The following GRID2 variants were observed in gnomAD, a reference collection of about 807,000 sequenced individuals.
The protein encoded by GRID2 is glutamate receptor ionotropic, delta-2.
Under a neutral mutation model 114.8 loss-of-function variants are expected in GRID2, and 33 were observed. The ratio of observed to expected loss-of-function variants is 0.29; its 90% CI spans 0.22 to 0.38. The LOEUF (loss-of-function observed/expected upper bound fraction) is 0.38. Among genes scored for constraint, GRID2 ranks in the 10% least tolerant of loss-of-function variants. The pLI is 1.00. For missense variants in GRID2, 1,184 were observed against 1,257.7 expected, an observed-to-expected ratio of 0.94 and a Z score of 0.89; for synonymous variants, 505 against 449.9, an observed-to-expected ratio of 1.12 and a Z score of -1.55.
At chr4:92,914,355 A>G (rs1406353885) in intron 2 of GRID2, among the ~76,000 whole-genome samples, 3 of 152,148 alleles carry the variant, frequency 2.0e-5, no homozygotes, top group Non-Finnish European at 4.4e-5. Flanking sequence ...TGTTTTTAAC[A>G]CTTTAAAAGA....
Position 93,703,497 on chromosome 4 carries a change from AT to A in GRID2, c.2361-65704del, listed in dbSNP as rs151280717. 5.5e-3 allele frequency among the ~76,000 whole-genome samples: 838 copies of A among 151,390 alleles called. 7 individuals are homozygous for A. The highest frequency in any genetic ancestry group is 0.019 in the African/African-American group (771 of 41,322). On this transcript the variant is annotated intron_variant, in intron 14 of 15. Transcript: ENST00000282020. ...TGGTAGCAAATACTAGATCGTATTT[AT>A]TTTTTTTTATATGTACTTTAAGTTT...
chr4:92,761,026 C>T (rs1436772603), intron 2 of GRID2, among the ~76,000 whole-genome samples: 4 of 151,950 alleles, frequency 2.6e-5, no homozygotes, highest in Admixed American at 2.0e-4. Context: ...ACTACATAAA[C>T]CTCTATTTCA....
At chr4:92,820,004 A>G (rs1040201005) in intron 2 of GRID2, among the ~76,000 whole-genome samples, 1 of 152,140 alleles carries the variant, frequency 6.6e-6, no homozygotes, top group Non-Finnish European at 1.5e-5. Flanking sequence ...GCGTAGTACC[A>G]TTTACAATCT....
chr4:93,719,226 A>G (rs1012405643), intron 14 of GRID2, among the ~76,000 whole-genome samples: 8 of 151,724 alleles, frequency 5.3e-5, no homozygotes, highest in African/African-American at 1.9e-4. Context: ...AGATCTAGCT[A>G]TCTATATATA....
chr4:93,293,458 G>A (rs968240134), intron 8 of GRID2, among the ~76,000 whole-genome samples: 1 of 152,118 alleles, frequency 6.6e-6, no homozygotes, highest in African/African-American at 2.4e-5. Flanking sequence ...GAATTCTTTA[G>A]TCTTGAATAT....
intron 2 of GRID2, among the ~76,000 whole-genome samples, chr4:93,015,852 G>A (rs1722645649): frequency 6.6e-6 from 1 of 151,786 alleles, no homozygotes; most frequent in Non-Finnish European, 1.5e-5. Context: ...CTTATAGCAG[G>A]CAAACCTCAA....
intron 2 of GRID2, among the ~76,000 whole-genome samples, chr4:92,790,740 A>T: frequency 6.6e-6 from 1 of 151,608 alleles, no homozygotes; most frequent in East Asian, 1.9e-4. Flanking sequence ...AAAAAAAAAA[A>T]AGTGTTTTTA....
intron 1 of GRID2, among the ~76,000 whole-genome samples, chr4:92,528,208 A>T (rs900156038): frequency 1.3e-5 from 2 of 151,642 alleles, no homozygotes; most frequent in Admixed American, 6.6e-5. Flanking sequence ...ACTGGAAAAG[A>T]TAACAAAATA....
chr4:93,321,280 A>G (rs996772730), intron 8 of GRID2, among the ~76,000 whole-genome samples: 2 of 152,086 alleles, frequency 1.3e-5, no homozygotes, highest in African/African-American at 4.8e-5. Flanking sequence ...GCTGGTAAAC[A>G]TACAGGATGC....
intron 1 of GRID2, among the ~76,000 whole-genome samples, chr4:92,338,168 A>G (rs912240347): frequency 6.6e-6 from 1 of 152,192 alleles, no homozygotes; most frequent in Non-Finnish European, 1.5e-5. Context: ...AAAAAACAAA[A>G]GCACAATAAG....
intron 1 of GRID2, among the ~76,000 whole-genome samples, chr4:92,565,148 A>G (rs1315859632): frequency 6.6e-6 from 1 of 151,976 alleles, no homozygotes; most frequent in African/African-American, 2.4e-5. Flanking sequence ...TTATCTTTAA[A>G]TGCTTGTTAT....
chr4:93,338,213 A>G (rs767253364), intron 8 of GRID2, among the ~76,000 whole-genome samples: 10 of 152,096 alleles, frequency 6.6e-5, no homozygotes, highest in Admixed American at 3.9e-4. Flanking sequence ...TTTTGGTGCT[A>G]TTTATATTTT....
intron 8 of GRID2, among the ~76,000 whole-genome samples, chr4:93,342,076 G>A (rs1052524554): frequency 1.3e-4 from 19 of 151,898 alleles, no homozygotes; most frequent in African/African-American, 3.6e-4. Context: ...TCTCTGTATA[G>A]CACTGTGAGA....
intron 13 of GRID2, among the ~76,000 whole-genome samples, chr4:93,536,561 T>G (rs1366501649): frequency 6.6e-6 from 1 of 151,574 alleles, no homozygotes; most frequent in African/African-American, 2.4e-5. Context: ...TATTGTAAGA[T>G]GTGAAACTCT....
At chr4:93,060,371 C>T (rs1007802129) in intron 2 of GRID2, among the ~76,000 whole-genome samples, 5 of 152,072 alleles carry the variant, frequency 3.3e-5, no homozygotes, top group African/African-American at 1.2e-4. Flanking sequence ...TTCTGACTGC[C>T]TGCTATATTC....
intron 14 of GRID2, among the ~76,000 whole-genome samples, chr4:93,638,033 C>T (rs567771713): frequency 6.6e-6 from 1 of 152,046 alleles, no homozygotes. Context: ...GAATAAGAGT[C>T]ATTATTCTAT....
intron 2 of GRID2, among the ~76,000 whole-genome samples, chr4:92,663,764 CT>C (rs1363868515): frequency 6.6e-6 from 1 of 150,986 alleles, no homozygotes; most frequent in Non-Finnish European, 1.5e-5. Flanking sequence ...TCTTGGAAAA[CT>C]GAAACTCTAT....
At chr4:92,908,930 T>C (rs1748165216) in intron 2 of GRID2, among the ~76,000 whole-genome samples, 2 of 152,158 alleles carry the variant, frequency 1.3e-5, no homozygotes, top group South Asian at 4.1e-4. Flanking sequence ...AGACTATGAA[T>C]AGAAGCTCAT....
chr4:93,309,346 C>T (rs371803584), intron 8 of GRID2, among the ~76,000 whole-genome samples: 2 of 152,070 alleles, frequency 1.3e-5, no homozygotes, highest in South Asian at 4.2e-4. Context: ...ACCAGCTTAG[C>T]CAACATGGCG....
Sources: allele counts gnomAD v4.1 joint callset (sites outside exome capture counted in the v4.1 genomes callset), GRCh38; gene constraint gnomAD v4.1.1; transcripts MANE v1.5; gene names NCBI Gene and HGNC (gene_info 2026-07-23, HGNC 2026-07-21).